SGK2: variants seen among roughly 807,000 people sequenced by gnomAD.
The protein encoded by SGK2 is serum/glucocorticoid regulated kinase 2.
Under a neutral mutation model 47.5 loss-of-function variants are expected in SGK2, and 36 were observed. The observed-to-expected ratio is 0.76, with a 90% CI of 0.58 to 1.00. SGK2 has a LOEUF of 1.00. Ranked by LOEUF, SGK2 falls within the 50% of genes least tolerant of loss-of-function variation. The pLI is 0.00. For synonymous variants in SGK2, 157 were observed against 181.9 expected (o/e 0.86, Z 1.10); for missense variants, 404 against 467.4 (o/e 0.86, Z 1.25).
chr20:43,573,475 G>A lies in SGK2; in HGVS notation c.597+1338G>A, dbSNP rs150207328. ...TTGCACTCCAGCCTGGTGGACAAGAGCGAGACTCTGTCTCAAAAAAAAAAA... is the reference window on the plus strand; with the variant it reads ...TTGCACTCCAGCCTGGTGGACAAGAACGAGACTCTGTCTCAAAAAAAAAAA... On this transcript the variant is annotated intron_variant, in intron 9 of 12. Coordinates refer to ENST00000373100, the MANE Select transcript of SGK2 (RefSeq NM_170693.3). 4.7e-3 allele frequency among the ~76,000 whole-genome samples: 664 copies of A among 141,436 alleles called. 10 individuals carry two copies. Among genetic ancestry groups the A allele is most frequent in the African/African-American group, 0.017 (622 of 37,454 alleles). The allele number at this position is 141,436 out of a possible 152,430, so 92.8% of individuals were successfully genotyped here.
chr20:43,572,006 C>T lies in SGK2; in HGVS notation c.511-45C>T. 7.0e-7 allele frequency: 1 copy of T among 1,432,874 alleles called. No homozygotes were observed. Among genetic ancestry groups the T allele is most frequent in the Non-Finnish European group, 9.6e-7 (1 of 1,041,618 alleles). The allele number at this position is 1,432,874 out of a possible 1,614,324, so 88.8% of individuals were successfully genotyped here. ...TTTGGGGGTTAGGCCTGGCCATACC[C>T]TTGGCTCATACCACCCTCCAGCCCA... On this transcript the variant is annotated intron_variant, in intron 8 of 12. Coordinates refer to ENST00000373100, the MANE Select transcript of SGK2 (RefSeq NM_170693.3). This position sits in a 1 kb window ranked among gnomAD's most constrained non-coding sequence, Gnocchi z 4.2.
intron 11 of SGK2, among the ~76,000 whole-genome samples, chr20:43,578,352 G>T (rs956085938): frequency 6.6e-6 from 1 of 152,134 alleles, no homozygotes; most frequent in African/African-American, 2.4e-5. Context: ...AGGTGTGGTG[G>T]TGGGTGCCTG....
At chr20:43,569,645 A>G (rs928386491) in intron 6 of SGK2, 129 bp downstream of exon 6, 15 of 1,095,108 alleles carry the variant, frequency 1.4e-5, no homozygotes, top group Admixed American at 2.4e-5. Context: ...TTTTGTAGCT[A>G]AAGAAACTGA....
At chr20:43,571,993 G>A in intron 8 of SGK2, 58 bp from the exon 9 acceptor site, 1 of 1,284,412 alleles carries the variant, frequency 7.8e-7, no homozygotes, top group South Asian at 1.3e-5. Flanking sequence ...TGGGGGTTAG[G>A]CCTGGCCATA....
intron 12 of SGK2, chr20:43,583,484 T>TA (rs1321732822): frequency 8.6e-7 from 1 of 1,163,706 alleles, no homozygotes; most frequent in African/African-American, 1.6e-5. Context: ...CCTTGTCTTG[T>TA]AGCCTTATTG....
chr20:43,566,642 C>A, intron 2 of SGK2, 111 bp downstream of exon 2: 1 of 728,812 alleles, frequency 1.4e-6, no homozygotes, highest in Non-Finnish European at 2.3e-6. Flanking sequence ...ACTGCGAGCA[C>A]ATAGAAATGA....
intron 11 of SGK2, among the ~76,000 whole-genome samples, chr20:43,577,936 C>T (rs865787564): frequency 2.6e-5 from 4 of 152,238 alleles, no homozygotes; most frequent in Middle Eastern, 3.4e-3. Flanking sequence ...TGAGCCACTG[C>T]GCCCAGCCAG....
chr20:43,564,497 A>G (rs914946095), intron 1 of SGK2, among the ~76,000 whole-genome samples: 3 of 134,944 alleles, frequency 2.2e-5, no homozygotes, highest in Non-Finnish European at 4.6e-5. Context: ...GCACGCGCGC[A>G]CACACATACA....
intron 5 of SGK2, among the ~76,000 whole-genome samples, chr20:43,568,654 GT>G (rs886132464): frequency 1.3e-5 from 2 of 151,992 alleles, no homozygotes; most frequent in African/African-American, 4.8e-5. Flanking sequence ...GCTAATTTTT[GT>G]ATTTTTAGTA....
chr20:43,567,782 C>G (rs1029738748), intron 4 of SGK2, 60 bp downstream of exon 4: 208 of 1,578,776 alleles, frequency 1.3e-4, no homozygotes, highest in Non-Finnish European at 1.8e-4. Flanking sequence ...TCTTCCAGCC[C>G]CTGCTGCCAC....
chr20:43,577,183 G>T (rs145628214), intron 11 of SGK2, among the ~76,000 whole-genome samples: 60 of 152,182 alleles, frequency 3.9e-4, no homozygotes, highest in African/African-American at 1.4e-3. Flanking sequence ...CTGGGCAAAG[G>T]CTCCCCAGAC....
At position 43,572,413 on chromosome 20, in the gene SGK2, C is replaced by A. The variant is rs555146780; in HGVS notation, c.597+276C>A. 6.6e-6 allele frequency among the ~76,000 whole-genome samples: 1 copy of A among 152,232 alleles called. No individual in the cohort carries two copies. Among genetic ancestry groups the A allele is most frequent in the South Asian group, 2.1e-4 (1 of 4,832 alleles). ...AACGCAGGCTGGGCACAGTGGCTCA[C>A]GCCTGTAATCCCAGCACTTTGGGAG... On this transcript the variant is annotated intron_variant, in intron 9 of 12. Transcript: ENST00000373100. This position sits in a 1 kb window ranked among gnomAD's most constrained non-coding sequence, Gnocchi z 4.2.
In SGK2 at chr20:43,574,886, A is replaced by G. The variant is rs199843448; in HGVS notation, c.598-23A>G. The G allele has an allele frequency of 1.6e-4, 262 of 1,594,826 alleles. 1 individual carries two copies. The highest frequency in any genetic ancestry group is 2.1e-4 in the Non-Finnish European group (243 of 1,163,196). ...ACTGAGGCTTAACGACTTATTTCAA[A>G]TAAGTGTGTTTCCTTCTAACAGTAC... On this transcript the variant is annotated intron_variant, in intron 9 of 12. Coordinates refer to ENST00000373100, the MANE Select transcript of SGK2 (RefSeq NM_170693.3).
At chr20:43,561,149 C>A (rs1453763545) in intron 1 of SGK2, among the ~76,000 whole-genome samples, 1 of 152,128 alleles carries the variant, frequency 6.6e-6, no homozygotes, top group Non-Finnish European at 1.5e-5. Flanking sequence ...TAAGCAGAAG[C>A]CTCTATGACG....
intron 12 of SGK2, among the ~76,000 whole-genome samples, chr20:43,581,174 C>CTGTTT (rs1292824797): frequency 3.9e-5 from 6 of 152,034 alleles, no homozygotes; most frequent in Non-Finnish European, 5.9e-5. Context: ...CGTGCCTGGC[C>CTGTTT]TGTTTTGTTT....
rs371549338 is a variant in SGK2 at position 43,574,931 on chromosome 20, G to A, written c.620G>A (p.Arg207Gln). ...TPEYLAPEVL[R>Q]KEPYDRAVDW... ...CAGTACTTGGCACCTGAAGTGCTTC[G>A]GAAAGAGCCTTATGATCGAGCAGTG... The change falls in exon 10 of 13, where the codon CGG (arginine) becomes CAG (glutamine). Residue 207 changes from arginine (R) to glutamine (Q), a missense_variant. Transcript: ENST00000373100. 13 of 1,613,434 alleles carry A rather than the reference G, an allele frequency of 8.1e-6. No individual in the cohort carries two copies. The highest frequency in any genetic ancestry group is 3.3e-4 in the Middle Eastern group (2 of 6,082).
chr20:43,582,999 T>C (rs1169537116), intron 12 of SGK2, among the ~76,000 whole-genome samples: 2 of 152,200 alleles, frequency 1.3e-5, no homozygotes, highest in Non-Finnish European at 2.9e-5. Flanking sequence ...GCAGTGTGAA[T>C]GAAAGGAGTC....
Position 43,583,267 on chromosome 20 carries a change from G to GGAGA in SGK2, c.940-1580_940-1577dup, listed in dbSNP as rs1216313484. 1.9e-5 allele frequency: 24 copies of GGAGA among 1,289,606 alleles called. 2 individuals are homozygous for GGAGA. In the Admixed American group the frequency reaches 5.1e-4, roughly 27 times the overall value. 79.9% of individuals were successfully genotyped at this position (1,289,606 alleles called of 1,614,324 possible). ...GAAGATAATGTCGAACTTATACCCT[G>GGAGA]GAGAGAGAACCATACATGGAATACT... On this transcript the variant is annotated intron_variant, in intron 12 of 12. Coordinates refer to ENST00000373100, the MANE Select transcript of SGK2 (RefSeq NM_170693.3).
intron 12 of SGK2, among the ~76,000 whole-genome samples, chr20:43,581,155 G>A (rs1177372024): frequency 6.6e-6 from 1 of 152,126 alleles, no homozygotes; most frequent in African/African-American, 2.4e-5. Context: ...GATTACAGGC[G>A]TGAGCCACCG....
Sources: allele counts gnomAD v4.1 joint callset (sites outside exome capture counted in the v4.1 genomes callset), GRCh38; gene constraint gnomAD v4.1.1; non-coding constraint Gnocchi (gnomAD v3.1); transcripts MANE v1.5; gene names NCBI Gene and HGNC (gene_info 2026-07-23, HGNC 2026-07-21).